GNB5: variants seen among roughly 807,000 people sequenced by gnomAD.
GNB5 encodes the protein G protein subunit beta 5, also known as guanine nucleotide-binding protein subunit beta-5.
A neutral mutation model predicts 55.3 loss-of-function variants in GNB5; 37 were observed. The observed-to-expected ratio is 0.67, with a 90% CI of 0.51 to 0.88. The LOEUF is 0.88. GNB5 is among the 40% of genes least tolerant of loss of function. The pLI is 0.00. For synonymous variants in GNB5, 219 were observed against 198.5 expected, an observed-to-expected ratio of 1.10 and a Z score of -0.87; for missense variants, 476 against 515.3, an observed-to-expected ratio of 0.92 and a Z score of 0.74.
rs574838846 is a variant in GNB5, at chr15:52,115,419, C to T, written c.*7338G>A. The T allele has an allele frequency of 6.6e-6, 1 of 152,310 alleles. No individual in the cohort carries two copies. The highest frequency in any genetic ancestry group is 2.1e-4 in the South Asian group (1 of 4,828). The allele number at this position is 152,310 out of a possible 1,614,324, so 9.4% of individuals were successfully genotyped here. On this transcript the variant is annotated 3_prime_UTR_variant, in exon 13 of 13. Coordinates refer to ENST00000261837, the MANE Select transcript of GNB5 (RefSeq NM_016194.4). ...TATTCAACTCTCCTAACCTCAATCT[C>T]CCCATCTAAAAATGGGGCATCACGG...
chr15:52,172,597 T>C (rs904192139), intron 3 of GNB5, among the ~76,000 whole-genome samples: 5 of 151,970 alleles, frequency 3.3e-5, no homozygotes, highest in African/African-American at 1.2e-4. Flanking sequence ...CTGGGCGACA[T>C]GGAGAAACCT....
At position 52,154,094 on chromosome 15, in the gene GNB5, T is replaced by G. The variant is rs115888218; in HGVS notation, c.239-18A>C. The G allele has an allele frequency of 2.3e-4, 372 of 1,611,538 alleles. No individual in the cohort carries two copies. In the African/African-American group the frequency reaches 4.7e-3, roughly 20 times the overall value. ...CTGGTGCACTGGAATGACAAGGCCA[T>G]AGTCAGTCCCCTTGCTAAGGACCAG... On this transcript the variant is annotated intron_variant, in intron 3 of 12. Coordinates refer to ENST00000261837, the MANE Select transcript of GNB5 (RefSeq NM_016194.4).
At chr15:52,148,494 T>C (rs1316401856) in intron 5 of GNB5, among the ~76,000 whole-genome samples, 1 of 152,174 alleles carries the variant, frequency 6.6e-6, no homozygotes, top group African/African-American at 2.4e-5. Context: ...CACATCTTGG[T>C]GGTGGTAGAA....
At chr15:52,175,220 T>C (rs942192723) in intron 3 of GNB5, among the ~76,000 whole-genome samples, 2 of 152,056 alleles carry the variant, frequency 1.3e-5, no homozygotes, top group African/African-American at 2.4e-5. Context: ...AATGCAAAAA[T>C]GTACAGGCAT....
rs112291681 is a variant in GNB5, at chr15:52,144,729, G to A, written c.494+2730C>T. Among the ~76,000 whole-genome samples, 826 of 152,256 alleles carry A rather than the reference G, an allele frequency of 5.4e-3. 6 individuals carry two copies. Among genetic ancestry groups the A allele is most frequent in the African/African-American group, 0.018 (768 of 41,540 alleles). On this transcript the variant is annotated intron_variant, in intron 6 of 12. Coordinates refer to ENST00000261837, the MANE Select transcript of GNB5 (RefSeq NM_016194.4). ...TCTAGAGACTGAAGACTTTATAAAG[G>A]TAAACCACACAGGCAGTGTGTGGTC... is the stretch of plus-strand genomic sequence containing the variant.
intron 3 of GNB5, among the ~76,000 whole-genome samples, chr15:52,161,472 A>AT (rs1187600085): frequency 1.3e-5 from 2 of 151,778 alleles, no homozygotes; most frequent in Non-Finnish European, 2.9e-5. Flanking sequence ...TAATTTTCGT[A>AT]TTTTTTTTAG....
intron 3 of GNB5, among the ~76,000 whole-genome samples, chr15:52,157,036 C>T (rs1044069878): frequency 1.4e-5 from 2 of 144,338 alleles, no homozygotes; most frequent in Non-Finnish European, 3.0e-5. Flanking sequence ...CCCGGGTTCA[C>T]GCCATTCTCC....
Position 52,119,161 on chromosome 15 carries a change from CAG to C in GNB5, c.*3594_*3595del, listed in dbSNP as rs1455226297. ...CCAGGAGAGAGGTGGAACAGGGAGA[CAG>C]AGGAAGAGGAGATGAGGAATGGGGG... On this transcript the variant is annotated 3_prime_UTR_variant, in exon 13 of 13. Coordinates refer to ENST00000261837, the MANE Select transcript of GNB5 (RefSeq NM_016194.4). The C allele has an allele frequency of 8.4e-6, 1 of 119,286 alleles. No homozygotes were observed. The highest frequency in any genetic ancestry group is 1.7e-5 in the Non-Finnish European group (1 of 60,352). 7.4% of individuals were successfully genotyped at this position (119,286 alleles called of 1,614,324 possible).
At chr15:52,137,107 T>C (rs1205518315) in intron 7 of GNB5, 1 of 573,358 alleles carries the variant, frequency 1.7e-6, no homozygotes, top group East Asian at 7.2e-5. Flanking sequence ...ATCCTCTAAG[T>C]ACCCTTCCCT....
chr15:52,136,499 C>T (rs1206770872), intron 7 of GNB5, among the ~76,000 whole-genome samples: 2 of 152,068 alleles, frequency 1.3e-5, no homozygotes, highest in East Asian at 1.9e-4. Context: ...GGGGCCTGAG[C>T]GTCTACACTT....
intron 3 of GNB5, among the ~76,000 whole-genome samples, chr15:52,173,364 C>T (rs902324827): frequency 5.9e-5 from 9 of 152,200 alleles, no homozygotes; most frequent in African/African-American, 1.7e-4. Context: ...CATGAGCCAC[C>T]GTGCCCAGCA....
At chr15:52,123,423 C>G (rs1362157946) in intron 12 of GNB5, 1 of 152,028 alleles carries the variant, frequency 6.6e-6, no homozygotes, top group Admixed American at 6.6e-5. Flanking sequence ...TAAACCAGAC[C>G]AAAAAAACCT....
intron 4 of GNB5, among the ~76,000 whole-genome samples, chr15:52,153,391 C>T (rs1441524875): frequency 6.6e-6 from 1 of 152,178 alleles, no homozygotes; most frequent in East Asian, 1.9e-4. Flanking sequence ...CCGAACCACC[C>T]AATGGAGCCA....
chr15:52,133,394 C>T lies in GNB5; in HGVS notation c.847G>A (p.Asp283Asn), dbSNP rs146232193. Residue 283 changes from aspartate (D) to asparagine (N), a missense_variant, in exon 9 of 13, where the codon GAC (aspartate) becomes AAC (asparagine). Coordinates refer to ENST00000261837, the MANE Select transcript of GNB5 (RefSeq NM_016194.4). ...CTCACTGACCGGACACTGTTGATGT[C>T]AGATTCATGTGTTTCAAAGGCCTGC... ...CVQAFETHESDINSVRYYPSG... is the reference protein window; with the variant it reads ...CVQAFETHESNINSVRYYPSG... 1 of 1,606,438 alleles carries T rather than the reference C, an allele frequency of 6.2e-7. No individual in the cohort carries two copies. The highest frequency in any genetic ancestry group is 1.3e-5 in the African/African-American group (1 of 74,878).
chr15:52,185,533 G>T (rs2034832017), intron 1 of GNB5, among the ~76,000 whole-genome samples: 1 of 152,172 alleles, frequency 6.6e-6, no homozygotes, highest in African/African-American at 2.4e-5. Context: ...GGGAAGGAGG[G>T]ACATGGGTAG....
Position 52,184,645 on chromosome 15 carries a change from A to T in GNB5, c.32T>A (p.Phe11Tyr). 6.2e-7 allele frequency: 1 copy of T among 1,613,892 alleles called. No homozygotes were observed. The highest frequency in any genetic ancestry group is 1.6e-4 in the Middle Eastern group (1 of 6,062). Residue 11 changes from phenylalanine to tyrosine, a missense_variant, in exon 2 of 13, where the codon TTT (phenylalanine) becomes TAT (tyrosine). Transcript: ENST00000261837. ...TTTGAAACATTTGTCACATGAGCCA[A>T]ATACATTAACGAGAAAGGTCTGATC... MCDQTFLVNV[F>Y]GSCDKCFKQR...
At chr15:52,181,688 G>A (rs1045381540) in intron 2 of GNB5, among the ~76,000 whole-genome samples, 1 of 152,104 alleles carries the variant, frequency 6.6e-6, no homozygotes, top group African/African-American at 2.4e-5. Flanking sequence ...AGACTTCTCC[G>A]TACATAGCAG....
Position 52,124,565 on chromosome 15 carries a change from T to A in GNB5, c.1084A>T (p.Ile362Phe). The change falls in exon 12 of 13, where the codon ATC becomes TTC. Residue 362 changes from isoleucine to phenylalanine, a missense_variant. By Grantham distance (21) the Ile-to-Phe change is conservative (BLOSUM62 0). Coordinates refer to ENST00000261837, the MANE Select transcript of GNB5 (RefSeq NM_016194.4). ...WDVLKGSRVS[I>F]LFGHENRVST... is the part of the protein sequence containing the mutation. ...ACGCGGTTTTCATGTCCAAACAGGA[T>A]GGAGACCCGGGACCCTTTGAGAACA... The A allele has an allele frequency of 6.2e-7, 1 of 1,613,816 alleles. No individual in the cohort carries two copies. Among genetic ancestry groups the A allele is most frequent in the Non-Finnish European group, 8.5e-7 (1 of 1,179,682 alleles).
chr15:52,147,521 G>A lies in GNB5; in HGVS notation c.432C>T (p.Thr144=). ...ATGCCATCACCCACGTGCAGGGCAT[G>A]GTGACCGCGTGCTCCTGAAACACAG... ...SFTTNKEHAV[T]MPCTWVMACA... Residue 144 remains threonine, a synonymous_variant, in exon 6 of 13, where the codon ACC becomes ACT. Coordinates refer to ENST00000261837, the MANE Select transcript of GNB5 (RefSeq NM_016194.4). 1 of 1,594,326 alleles carries A rather than the reference G, an allele frequency of 6.3e-7. No homozygotes were observed.
Sources: gnomAD v4.1 joint callset for allele counts (sites outside exome capture counted in the v4.1 genomes callset) on GRCh38, gnomAD v4.1.1 for gene constraint, MANE v1.5 for transcripts, NCBI Gene and HGNC (gene_info 2026-07-23, HGNC 2026-07-21) for gene names.